Variants in FBXO38 observed in about 807,000 individuals in gnomAD.
FBXO38 encodes F-box only protein 38.
Under a neutral mutation model 131.9 loss-of-function variants are expected in FBXO38, and 53 were observed. The observed-to-expected ratio is 0.40, with a 90% CI of 0.32 to 0.51. The LOEUF (loss-of-function observed/expected upper bound fraction) is 0.51, where lower values mean the gene tolerates loss of function less well. FBXO38 is among the 20% of genes least tolerant of loss of function. The pLI is 0.53. For synonymous variants in FBXO38, 452 were observed against 505.6 expected, an observed-to-expected ratio of 0.89 and a Z score of 1.42; for missense variants, 1,076 against 1,475.6, an observed-to-expected ratio of 0.73 and a Z score of 4.44.
At position 148,417,113 on chromosome 5, in the gene FBXO38, C is replaced by T. The variant is rs182585967; in HGVS notation, c.1527C>T (p.His509=). ...NNAQNNNANI[H]DNNHHHPDDS... Reference sequence around the variant, plus strand: ...CCCAGAATAACAATGCCAACATCCACGACAACAATCACCATCATCCAGATG... The same window carrying T: ...CCCAGAATAACAATGCCAACATCCATGACAACAATCACCATCATCCAGATG... The change falls in exon 12 of 22, where the codon CAC becomes CAT. Residue 509 remains histidine (H), a synonymous_variant. Transcript: ENST00000340253. 3.6e-5 allele frequency: 58 copies of T among 1,613,510 alleles called. No individual in the cohort carries two copies. The East Asian group carries it at 7.1e-4, about 20-fold the overall frequency.
intron 5 of FBXO38, among the ~76,000 whole-genome samples, chr5:148,404,165 G>A (rs563833024): frequency 6.6e-6 from 1 of 152,308 alleles, no homozygotes; most frequent in Non-Finnish European, 1.5e-5. Flanking sequence ...TATATTTATA[G>A]AAAACAGCTT....
intron 12 of FBXO38, among the ~76,000 whole-genome samples, chr5:148,419,206 A>G (rs1753251907): frequency 6.6e-6 from 1 of 152,250 alleles, no homozygotes; most frequent in African/African-American, 2.4e-5. Flanking sequence ...AACAGCTTCA[A>G]CAAGAGGAAG....
At chr5:148,436,441 G>A (rs1754353277) in intron 17 of FBXO38, among the ~76,000 whole-genome samples, 1 of 152,150 alleles carries the variant, frequency 6.6e-6, no homozygotes, top group South Asian at 2.1e-4. Context: ...ATATTCATTG[G>A]AGCAGCATTT....
intron 7 of FBXO38, among the ~76,000 whole-genome samples, chr5:148,407,368 G>GT: frequency 6.6e-6 from 1 of 152,176 alleles, no homozygotes; most frequent in South Asian, 2.1e-4. Flanking sequence ...GTTTTTAAGG[G>GT]TGACCCTGCC....
Position 148,418,475 on chromosome 5 carries a change from T to C in FBXO38, c.1618+1271T>C, listed in dbSNP as rs115890427. Among the ~76,000 whole-genome samples the C allele has an allele frequency of 2.3e-3, 350 of 152,334 alleles. 3 individuals are homozygous for C. The highest frequency in any genetic ancestry group is 8.1e-3 in the African/African-American group (337 of 41,572). On this transcript the variant is annotated intron_variant, in intron 12 of 21. Transcript: ENST00000340253. Reference sequence around the variant, plus strand: ...AGCTCTGTACTTTATGTCCATGGTATACTCTTAAGCATTTCAAACCTAGGT... The same window carrying C: ...AGCTCTGTACTTTATGTCCATGGTACACTCTTAAGCATTTCAAACCTAGGT...
In FBXO38 at chr5:148,440,307, T is replaced by C; in HGVS notation, c.3171-117T>C. 1.7e-5 allele frequency: 11 copies of C among 665,572 alleles called. No homozygotes were observed. In the South Asian group the frequency reaches 2.1e-4, roughly 13 times the overall value. 41.2% of individuals were successfully genotyped at this position (665,572 alleles called of 1,614,324 possible). ...CCTACTTCCGTTAGGTATTTGATGT[T>C]TTGTTTGAGATGTTCGGTAGAATCT... On this transcript the variant is annotated intron_variant, in intron 19 of 21. Coordinates refer to ENST00000340253, the MANE Select transcript of FBXO38 (RefSeq NM_205836.3).
intron 15 of FBXO38, 124 bp downstream of exon 15, chr5:148,428,071 G>T: frequency 9.0e-7 from 1 of 1,108,856 alleles, no homozygotes; most frequent in Non-Finnish European, 1.2e-6. Flanking sequence ...GGGTTTTGTG[G>T]GTCATGTGAA....
In FBXO38 at chr5:148,393,125, C is replaced by T. The variant is rs115740469; in HGVS notation, c.-63-1589C>T. 8.1e-3 allele frequency among the ~76,000 whole-genome samples: 1,228 copies of T among 150,960 alleles called. 21 individuals carry two copies. Among genetic ancestry groups the T allele is most frequent in the African/African-American group, 0.029 (1,175 of 41,000 alleles). ...ATTCAGGGTAGCATAGCCCATATACCAGTCCACACACATTGATTTCTCTGG... is the reference window on the plus strand; with the variant it reads ...ATTCAGGGTAGCATAGCCCATATACTAGTCCACACACATTGATTTCTCTGG... On this transcript the variant is annotated intron_variant, in intron 1 of 21. Coordinates refer to ENST00000340253, the MANE Select transcript of FBXO38 (RefSeq NM_205836.3).
chr5:148,393,909 C>G (rs895724886), intron 1 of FBXO38, among the ~76,000 whole-genome samples: 1 of 152,092 alleles, frequency 6.6e-6, no homozygotes, highest in Non-Finnish European at 1.5e-5. Flanking sequence ...ATCAATAGAA[C>G]AGAAAACCAT....
chr5:148,408,591 T>TTTAC (rs1164094948), intron 7 of FBXO38, among the ~76,000 whole-genome samples: 2 of 152,244 alleles, frequency 1.3e-5, no homozygotes, highest in Middle Eastern at 3.2e-3. Context: ...AAACAGAGTG[T>TTTAC]TTAGTAAAAG....
intron 15 of FBXO38, among the ~76,000 whole-genome samples, chr5:148,429,062 C>T (rs1009222094): frequency 1.3e-5 from 2 of 152,120 alleles, no homozygotes; most frequent in Admixed American, 1.3e-4. Context: ...CAGCTGTCAC[C>T]ACCAACCATC....
chr5:148,435,883 G>A lies in FBXO38; in HGVS notation c.2857+2146G>A, dbSNP rs567938154. 6.6e-5 allele frequency among the ~76,000 whole-genome samples: 10 copies of A among 152,262 alleles called. 2 individuals are homozygous for A. The highest frequency in any genetic ancestry group is 2.4e-4 in the African/African-American group (10 of 41,540). On this transcript the variant is annotated intron_variant, in intron 17 of 21. Transcript: ENST00000340253. The stretch of plus-strand genomic sequence containing the variant: ...TAATTTCGACATCATTGTATCTCAG[G>A]GAGTAGGGAGACCTGAGGAAAGGGA...
intron 2 of FBXO38, among the ~76,000 whole-genome samples, chr5:148,398,623 A>T (rs1444637383): frequency 6.6e-6 from 1 of 152,022 alleles, no homozygotes; most frequent in Non-Finnish European, 1.5e-5. Context: ...CAAATTGAGT[A>T]ATTCTCTCTG....
chr5:148,411,413 C>T (rs1267704976), intron 9 of FBXO38, among the ~76,000 whole-genome samples: 1 of 152,154 alleles, frequency 6.6e-6, no homozygotes, highest in Admixed American at 6.6e-5. Flanking sequence ...CACCAACATG[C>T]TTTTATTTAT....
chr5:148,437,443 T>G (rs996517633), intron 17 of FBXO38, among the ~76,000 whole-genome samples: 2 of 152,180 alleles, frequency 1.3e-5, no homozygotes, highest in African/African-American at 4.8e-5. Context: ...TCTCTCTCAG[T>G]GTTTAAATGT....
intron 1 of FBXO38, among the ~76,000 whole-genome samples, chr5:148,389,537 A>G (rs1017693614): frequency 6.6e-6 from 1 of 151,958 alleles, no homozygotes; most frequent in African/African-American, 2.4e-5. Context: ...TTCTTTTTTA[A>G]CCTACTACTG....
At chr5:148,384,224 T>C (rs1407428678) in intron 1 of FBXO38, among the ~76,000 whole-genome samples, 185 bp downstream of exon 1, 1 of 152,194 alleles carries the variant, frequency 6.6e-6, no homozygotes, top group African/African-American at 2.4e-5. Flanking sequence ...GTTCCTGGCC[T>C]TCTAGGCCGT....
chr5:148,425,779 T>G, intron 14 of FBXO38, 78 bp downstream of exon 14: 1 of 1,243,702 alleles, frequency 8.0e-7, no homozygotes, highest in African/African-American at 1.5e-5. Flanking sequence ...TATGACAACT[T>G]GGGTGCAGTT....
rs116751945 is a variant in FBXO38 at position 148,385,713 on chromosome 5, A to G, written c.-64+1674A>G. 6.4e-3 allele frequency among the ~76,000 whole-genome samples: 972 copies of G among 152,310 alleles called. 10 individuals are homozygous for G. The highest frequency in any genetic ancestry group is 0.023 in the African/African-American group (938 of 41,560). ...TTAGACAAGAGAGGCTGTCCTGGTC[A>G]GTAGATACACAAGATAGTCTATGAT... On this transcript the variant is annotated intron_variant, in intron 1 of 21. Transcript: ENST00000340253.
Sources: gnomAD v4.1 joint callset for allele counts (sites outside exome capture counted in the v4.1 genomes callset) on GRCh38, gnomAD v4.1.1 for gene constraint, MANE v1.5 for transcripts, NCBI Gene and HGNC (gene_info 2026-07-23, HGNC 2026-07-21) for gene names.